The following NARS2 variants were observed in gnomAD, a reference collection of about 807,000 sequenced individuals.
NARS2 encodes the protein asparaginyl-tRNA synthetase.
A neutral mutation model predicts 62.9 loss-of-function variants in NARS2; 60 were observed. That is an observed-to-expected ratio of 0.95 (90% CI 0.77 to 1.18). The LOEUF is 1.18. Ranked by LOEUF, NARS2 falls within the 50% of genes most tolerant of loss-of-function variation. NARS2 has a pLI of 0.00. For synonymous variants in NARS2, 196 were observed against 200.0 expected, an observed-to-expected ratio of 0.98 and a Z score of 0.17; for missense variants, 619 against 576.4, an observed-to-expected ratio of 1.07 and a Z score of -0.76.
At chr11:78,543,529 G>A (rs1855714914) in intron 5 of NARS2, among the ~76,000 whole-genome samples, 1 of 151,978 alleles carries the variant, frequency 6.6e-6, no homozygotes, top group African/African-American at 2.4e-5. Flanking sequence ...AAGAAGAAAC[G>A]CTACTTTTCT....
In NARS2 at chr11:78,441,869, CTTGT is replaced by C. The variant is rs1358130471; in HGVS notation, c.1263-756_1263-753del. Among the ~76,000 whole-genome samples, 13 of 152,266 alleles carry C rather than the reference CTTGT, an allele frequency of 8.5e-5. No individual in the cohort carries two copies. The East Asian group carries it at 2.5e-3, about 29-fold the overall frequency. On this transcript the variant is annotated intron_variant, in intron 12 of 13. Transcript: ENST00000281038. ...TTCATAATATGGTTGCACATTGATTCTTGTTTGAGAACTATTAATAAAATTTTAA... is the reference window on the plus strand; with the variant it reads ...TTCATAATATGGTTGCACATTGATTCTTGAGAACTATTAATAAAATTTTAA...
intron 11 of NARS2, among the ~76,000 whole-genome samples, chr11:78,453,464 A>C (rs971776373): frequency 2.6e-5 from 4 of 152,202 alleles, no homozygotes; most frequent in Admixed American, 1.3e-4. Flanking sequence ...TTAAAAAAAA[A>C]ACATAGGCTA....
At chr11:78,447,798 G>A (rs561648791) in intron 11 of NARS2, among the ~76,000 whole-genome samples, 3 of 152,202 alleles carry the variant, frequency 2.0e-5, no homozygotes, top group East Asian at 3.9e-4. Context: ...CTAATAAGCT[G>A]AATGAATAGA....
Position 78,454,265 on chromosome 11 carries a change from C to A in NARS2, c.1165-10507G>T, listed in dbSNP as rs569213530. ...GACTGATATGGTTTGGATATTTGTG[C>A]CCTCCCAAATTCACGTTGAAATGTG... On this transcript the variant is annotated intron_variant, in intron 11 of 13. Coordinates refer to ENST00000281038, the MANE Select transcript of NARS2 (RefSeq NM_024678.6). Among the ~76,000 whole-genome samples, 4 of 152,226 alleles carry A rather than the reference C, an allele frequency of 2.6e-5. No individual in the cohort carries two copies. In the South Asian group the frequency reaches 8.3e-4, roughly 32 times the overall value.
intron 6 of NARS2, among the ~76,000 whole-genome samples, chr11:78,501,430 G>A (rs1158886216): frequency 6.6e-6 from 1 of 152,198 alleles, no homozygotes; most frequent in Non-Finnish European, 1.5e-5. Context: ...GAGAGGATGT[G>A]AAGCCCCAGA....
rs762238510 is a variant in NARS2, at chr11:78,478,472, T to G, written c.925A>C (p.Arg309=). The stretch of plus-strand genomic sequence containing the variant: ...TTGTTTTTTAGCATATGTTCTAATC[T>G]GTCCTTAATAAAAAGACAAAAAAGA... The part of the protein sequence containing the change: ...HKFIAPGQKD[R]LEHMLKNNFL... Residue 309 remains arginine (R), a synonymous_variant, in exon 9 of 14, where the codon AGA becomes CGA. Transcript: ENST00000281038. 8.7e-7 allele frequency: 1 copy of G among 1,149,356 alleles called. No individual in the cohort carries two copies. The allele number at this position is 1,149,356 out of a possible 1,614,324, so 71.2% of individuals were successfully genotyped here. A position where few individuals can be genotyped will look rare whatever the true frequency, so the allele number is the denominator to read the frequency against.
intron 10 of NARS2, among the ~76,000 whole-genome samples, chr11:78,468,310 G>GAAAAAAAAAAAAAAAAAAAAAAAAAAAA (rs764254167): frequency 1.5e-4 from 10 of 67,430 alleles, no homozygotes; most frequent in African/African-American, 5.9e-4. Flanking sequence ...CACTAAATCT[G>GAAAAAAAAAAAAAAAAAAAAAAAAAAAA]AAAAAAAAAA....
intron 10 of NARS2, among the ~76,000 whole-genome samples, chr11:78,467,465 G>A (rs1368142392): frequency 6.6e-6 from 1 of 152,054 alleles, no homozygotes; most frequent in Non-Finnish European, 1.5e-5. Context: ...GAGAGCCTGG[G>A]AGGTGGAATC....
chr11:78,509,749 C>T (rs1170423641), intron 6 of NARS2, among the ~76,000 whole-genome samples: 1 of 150,206 alleles, frequency 6.7e-6, no homozygotes, highest in Non-Finnish European at 1.5e-5. Context: ...ATCCCTTGAA[C>T]TCAGGAGGTG....
At chr11:78,506,369 C>T (rs577585030) in intron 6 of NARS2, among the ~76,000 whole-genome samples, 1 of 152,270 alleles carries the variant, frequency 6.6e-6, no homozygotes, top group South Asian at 2.1e-4. Context: ...ACACAGACTC[C>T]TGCATGAATT....
chr11:78,471,332 A>AG (rs760757748), intron 9 of NARS2, among the ~76,000 whole-genome samples: 8 of 152,212 alleles, frequency 5.3e-5, no homozygotes, highest in Non-Finnish European at 1.2e-4. Flanking sequence ...TGAAACACTT[A>AG]GAGTTTCATA....
At chr11:78,465,223 A>T (rs115302509) in intron 11 of NARS2, among the ~76,000 whole-genome samples, 1,653 of 152,248 alleles carry the variant, frequency 0.011, 35 homozygotes, top group African/African-American at 0.039. Flanking sequence ...GCCCACACCC[A>T]CCTGGAACTC....
chr11:78,463,150 G>C (rs10793314), intron 11 of NARS2, among the ~76,000 whole-genome samples: 34,205 of 151,978 alleles, frequency 0.23, 4,183 homozygotes, highest in East Asian at 0.42. Context: ...CTGAAGCCTC[G>C]AGTTCCTAGG....
In NARS2 at chr11:78,574,345, AACCTGGATCTT is replaced by A; in HGVS notation, c.133_141+2del. 1 of 1,614,158 alleles carries A rather than the reference AACCTGGATCTT, an allele frequency of 6.2e-7. No homozygotes were observed. Among genetic ancestry groups the A allele is most frequent in the Non-Finnish European group, 8.5e-7 (1 of 1,180,026 alleles). ...AAAACCCACTCCCTTCCCATTCACC[AACCTGGATCTT>A]AATGCGCTCCCCACTCGCGTTCTGA... is the stretch of plus-strand genomic sequence containing the variant. On this transcript the variant is annotated splice_donor_variant and coding_sequence_variant, in exon 1 of 14. Coordinates refer to ENST00000281038, the MANE Select transcript of NARS2 (RefSeq NM_024678.6). LOFTEE classifies it high-confidence loss of function.
intron 6 of NARS2, among the ~76,000 whole-genome samples, chr11:78,502,329 G>T (rs568636517): frequency 1.3e-5 from 2 of 152,278 alleles, no homozygotes; most frequent in East Asian, 3.9e-4. Flanking sequence ...CTCTCTTTCT[G>T]GTTTGCTGAA....
At chr11:78,502,830 C>A (rs1280990890) in intron 6 of NARS2, among the ~76,000 whole-genome samples, 5 of 151,972 alleles carry the variant, frequency 3.3e-5, no homozygotes, top group South Asian at 2.1e-4. Context: ...CCTGTCTCTA[C>A]TAAAAATACA....
chr11:78,472,502 T>C (rs1858918670), intron 9 of NARS2, among the ~76,000 whole-genome samples: 1 of 152,126 alleles, frequency 6.6e-6, no homozygotes, highest in Non-Finnish European at 1.5e-5. Flanking sequence ...AGAACCATAA[T>C]AATATAAAGG....
intron 11 of NARS2, among the ~76,000 whole-genome samples, chr11:78,460,772 C>A (rs118068872): frequency 0.021 from 3,176 of 152,210 alleles, 60 homozygotes; most frequent in Middle Eastern, 0.034. Flanking sequence ...ATGTAAATGG[C>A]AGTCAATGAG....
intron 5 of NARS2, among the ~76,000 whole-genome samples, chr11:78,531,848 T>C (rs1167518182): frequency 1.3e-5 from 2 of 152,104 alleles, no homozygotes; most frequent in Non-Finnish European, 1.5e-5. Flanking sequence ...TAGAGACAGA[T>C]GGATGAGAGT....
Sources: gnomAD v4.1 joint callset for allele counts (sites outside exome capture counted in the v4.1 genomes callset) on GRCh38, gnomAD v4.1.1 for gene constraint, MANE v1.5 for transcripts, NCBI Gene and HGNC (gene_info 2026-07-23, HGNC 2026-07-21) for gene names.